RARB: variants seen among roughly 807,000 people sequenced by gnomAD.
RARB encodes the protein HBV-activated protein.
In RARB, 17 loss-of-function variants were observed where a neutral mutation model predicts 51.9. The observed-to-expected ratio is 0.33, with a 90% confidence interval of 0.22 to 0.49. The LOEUF is 0.49. Ranked by LOEUF, RARB falls within the 20% of genes least tolerant of loss-of-function variation. RARB has a pLI of 0.99. For missense variants in RARB, 369 were observed against 550.8 expected, an observed-to-expected ratio of 0.67 and a Z score of 3.30; for synonymous variants, 215 against 195.4, an observed-to-expected ratio of 1.10 and a Z score of -0.84.
Position 25,403,384 on chromosome 3 carries a change from T to C in RARB, c.179-57809T>C, listed in dbSNP as rs573701800. The stretch of plus-strand genomic sequence containing the variant: ...CATCTCATGTACCCATAAATATATA[T>C]ACTTACTGTGTACCCACAAAAATTA... On this transcript the variant is annotated intron_variant, in intron 5 of 11. Coordinates refer to the RARB transcript ENST00000383772. Among the ~76,000 whole-genome samples, 11 of 152,212 alleles carry C rather than the reference T, an allele frequency of 7.2e-5. No homozygotes were observed. The East Asian group carries it at 2.1e-3, about 29-fold the overall frequency.
intron 2 of RARB, among the ~76,000 whole-genome samples, chr3:24,896,626 A>G (rs2885803): frequency 0.73 from 110,620 of 152,072 alleles, 41,385 homozygotes; most frequent in African/African-American, 0.88. Context: ...CCATAACATC[A>G]TGGATATGTT....
chr3:25,287,484 G>T lies in RARB; in HGVS notation c.178+112909G>T, dbSNP rs529365944. 3.3e-5 allele frequency among the ~76,000 whole-genome samples: 5 copies of T among 152,258 alleles called. No individual in the cohort carries two copies. In the South Asian group the frequency reaches 1.0e-3, roughly 32 times the overall value. On this transcript the variant is annotated intron_variant, in intron 5 of 11. Coordinates refer to the RARB transcript ENST00000383772. The stretch of plus-strand genomic sequence containing the variant: ...CTCAGGCCAGAGCTTAGGTCATTAG[G>T]AGGGCAGGAGGGGGAAGCATAGAAA...
At chr3:25,487,463 T>G (rs1335019753) in intron 2 of RARB, among the ~76,000 whole-genome samples, 2 of 111,274 alleles carry the variant, frequency 1.8e-5, no homozygotes, top group African/African-American at 5.8e-5. Flanking sequence ...AAATAATTTA[T>G]GTCCGGCACT....
intron 5 of RARB, among the ~76,000 whole-genome samples, chr3:25,339,105 A>G (rs1705147347): frequency 6.6e-6 from 1 of 152,246 alleles, no homozygotes. Flanking sequence ...TGGAAGTCAC[A>G]TAATCTGAAA....
chr3:25,220,434 C>A (rs190751576), intron 5 of RARB, among the ~76,000 whole-genome samples: 1 of 152,294 alleles, frequency 6.6e-6, no homozygotes, highest in East Asian at 1.9e-4. Flanking sequence ...GACCTAGTTT[C>A]AAAAGCTAAC....
chr3:24,989,948 C>A lies in RARB; in HGVS notation c.-379-70177C>A, dbSNP rs1187441110. On this transcript the variant is annotated intron_variant, in intron 2 of 11. Transcript: ENST00000383772. Reference sequence around the variant, plus strand: ...CCGAGTAGCTGGGACTACAGGCGCCCGCCACCGCGCCCGGCTAATTTTTTG... The same window carrying A: ...CCGAGTAGCTGGGACTACAGGCGCCAGCCACCGCGCCCGGCTAATTTTTTG... Among the ~76,000 whole-genome samples the A allele has an allele frequency of 8.3e-5, 8 of 95,862 alleles. 3 individuals are homozygous for A. The South Asian group carries it at 3.3e-3, about 39-fold the overall frequency. 62.9% of individuals were successfully genotyped at this position (95,862 alleles called of 152,430 possible).
At chr3:24,918,423 G>A (rs947317198) in intron 2 of RARB, among the ~76,000 whole-genome samples, 15 of 152,204 alleles carry the variant, frequency 9.9e-5, no homozygotes, top group Admixed American at 2.0e-4. Flanking sequence ...AACTGCAAAA[G>A]AGAAAGTGGG....
intron 5 of RARB, among the ~76,000 whole-genome samples, chr3:25,234,058 G>T (rs1452581297): frequency 1.3e-5 from 2 of 151,988 alleles, no homozygotes; most frequent in Admixed American, 1.3e-4. Flanking sequence ...TTGCTTTAGG[G>T]TAATGTTGGC....
intron 5 of RARB, among the ~76,000 whole-genome samples, chr3:25,263,143 A>G (rs368516006): frequency 1.3e-4 from 20 of 152,272 alleles, no homozygotes; most frequent in African/African-American, 4.6e-4. Context: ...TTGTCATCCA[A>G]TGTGATGGTA....
chr3:24,834,773 C>T (rs1702320946), intron 1 of RARB, among the ~76,000 whole-genome samples: 1 of 152,160 alleles, frequency 6.6e-6, no homozygotes, highest in African/African-American at 2.4e-5. Flanking sequence ...AACAGGACTG[C>T]AAGAAGAATT....
chr3:25,171,642 G>GAAAAAAAAAA (rs1559491263), intron 4 of RARB, among the ~76,000 whole-genome samples: 2 of 2,388 alleles, frequency 8.4e-4, no homozygotes, highest in African/African-American at 2.6e-3. Flanking sequence ...TCCCTGGTTG[G>GAAAAAAAAAA]TAAAAAAAAA....
chr3:25,131,181 G>A (rs1410547377), intron 3 of RARB, among the ~76,000 whole-genome samples: 1 of 151,932 alleles, frequency 6.6e-6, no homozygotes, highest in Admixed American at 6.6e-5. Flanking sequence ...AAGTTATGCA[G>A]AGTGAGGTGC....
intron 2 of RARB, among the ~76,000 whole-genome samples, chr3:25,468,335 C>T (rs1695532140): frequency 1.3e-5 from 2 of 149,522 alleles, no homozygotes; most frequent in Non-Finnish European, 3.0e-5. Context: ...AAGAAAACTA[C>T]CCTTGTTGGG....
At chr3:25,305,672 C>G (rs567959582) in intron 5 of RARB, among the ~76,000 whole-genome samples, 6 of 152,294 alleles carry the variant, frequency 3.9e-5, no homozygotes, top group African/African-American at 1.2e-4. Context: ...ACACCTGAGC[C>G]ATGGTGTCCA....
chr3:24,996,454 C>G (rs1697042060), intron 2 of RARB, among the ~76,000 whole-genome samples: 1 of 151,846 alleles, frequency 6.6e-6, no homozygotes, highest in Admixed American at 6.6e-5. Context: ...AATCTCAATT[C>G]TGTTTACTTC....
chr3:25,381,697 G>C (rs886260858), intron 5 of RARB, among the ~76,000 whole-genome samples: 1 of 152,160 alleles, frequency 6.6e-6, no homozygotes, highest in Non-Finnish European at 1.5e-5. Flanking sequence ...AATTCTCAAG[G>C]TTGAGTCCTT....
At chr3:25,539,883 T>C (rs1699305101) in intron 3 of RARB, among the ~76,000 whole-genome samples, 1 of 152,204 alleles carries the variant, frequency 6.6e-6, no homozygotes, top group Non-Finnish European at 1.5e-5. Context: ...TAGAGTGAAC[T>C]GTGTGGGTCC....
intron 2 of RARB, among the ~76,000 whole-genome samples, chr3:25,005,870 A>C (rs75485375): frequency 0.038 from 5,764 of 152,230 alleles, 132 homozygotes; most frequent in Middle Eastern, 0.065. Context: ...ACTTAGCATA[A>C]GAGTCAAAGT....
intron 2 of RARB, among the ~76,000 whole-genome samples, chr3:24,861,186 ATAGT>A (rs1228640447): frequency 1.3e-5 from 2 of 151,798 alleles, no homozygotes; most frequent in Admixed American, 6.6e-5. Context: ...CCTAAATAGT[ATAGT>A]ATAACTACTA....
Sources: gnomAD v4.1 joint callset for allele counts (sites outside exome capture counted in the v4.1 genomes callset) on GRCh38, gnomAD v4.1.1 for gene constraint, MANE v1.5 for transcripts, NCBI Gene and HGNC (gene_info 2026-07-23, HGNC 2026-07-21) for gene names.